The following RBMS3 variants were observed in gnomAD, a reference collection of about 807,000 sequenced individuals.
RBMS3 encodes the protein RNA binding motif single stranded interacting protein 3.
Under a neutral mutation model 66.8 loss-of-function variants are expected in RBMS3, and 27 were observed. That is an observed-to-expected ratio of 0.40 (90% confidence interval 0.30 to 0.56). The LOEUF (loss-of-function observed/expected upper bound fraction) is 0.56. Among genes scored for constraint, RBMS3 ranks in the 20% least tolerant of loss-of-function variants. RBMS3 has a pLI of 0.40. For missense variants in RBMS3, 513 were observed against 549.5 expected (o/e 0.93, Z 0.66); for synonymous variants, 188 against 183.0 (o/e 1.03, Z -0.22).
rs141794649 is a variant in RBMS3 at position 29,306,261 on chromosome 3, G to A, written c.75+24505G>A. Among the ~76,000 whole-genome samples the A allele has an allele frequency of 2.1e-3, 315 of 151,970 alleles. 2 individuals are homozygous for A. The highest frequency in any genetic ancestry group is 7.1e-3 in the African/African-American group (296 of 41,508). On this transcript the variant is annotated intron_variant, in intron 1 of 14. Transcript: ENST00000383767. Reference sequence around the variant, plus strand: ...AGGGTAAGGCACCTGGACCCAAGGTGGACTCTTGACTCAATCTAGGAATAG... The same window carrying A: ...AGGGTAAGGCACCTGGACCCAAGGTAGACTCTTGACTCAATCTAGGAATAG...
chr3:29,626,733 T>C lies in RBMS3; in HGVS notation c.399+39528T>C, dbSNP rs184491471. Among the ~76,000 whole-genome samples, 37 of 152,276 alleles carry C rather than the reference T, an allele frequency of 2.4e-4. 1 individual carries two copies. In the East Asian group the frequency reaches 7.1e-3, roughly 29 times the overall value. ...ATAAATGCCAATGTTTAATAAATAT[T>C]ACAAAGTGTAATATAGTAAATAGAA... On this transcript the variant is annotated intron_variant, in intron 4 of 14. Coordinates refer to ENST00000383767, the MANE Select transcript of RBMS3 (RefSeq NM_001003793.3).
chr3:29,786,092 T>C (rs112853134), intron 6 of RBMS3, among the ~76,000 whole-genome samples: 4 of 129,654 alleles, frequency 3.1e-5, no homozygotes, highest in African/African-American at 1.2e-4. Context: ...CCTTTCACAA[T>C]AGCTGCAAAA....
chr3:29,476,598 A>G (rs1431514928), intron 2 of RBMS3, among the ~76,000 whole-genome samples: 1 of 152,216 alleles, frequency 6.6e-6, no homozygotes, highest in Non-Finnish European at 1.5e-5. Flanking sequence ...AAAATTTAAT[A>G]CAAGGAGATT....
chr3:29,396,211 A>G (rs2039541995), intron 1 of RBMS3, among the ~76,000 whole-genome samples: 1 of 152,216 alleles, frequency 6.6e-6, no homozygotes, highest in Non-Finnish European at 1.5e-5. Context: ...AATCATGCAT[A>G]ATCTGAATTT....
chr3:29,385,610 A>C (rs1459104812), intron 1 of RBMS3, among the ~76,000 whole-genome samples: 1 of 152,060 alleles, frequency 6.6e-6, no homozygotes, highest in Non-Finnish European at 1.5e-5. Flanking sequence ...TCTTTGGACT[A>C]TGTGACTCAC....
At chr3:29,614,132 C>A (rs2048579802) in intron 4 of RBMS3, among the ~76,000 whole-genome samples, 2 of 152,040 alleles carry the variant, frequency 1.3e-5, no homozygotes, top group Admixed American at 6.6e-5. Context: ...CAGTGGAATA[C>A]TATTCAGCCT....
intron 2 of RBMS3, among the ~76,000 whole-genome samples, chr3:29,478,914 G>A (rs1437784194): frequency 6.6e-6 from 1 of 152,136 alleles, no homozygotes; most frequent in African/African-American, 2.4e-5. Flanking sequence ...TCCAAGGAAT[G>A]TTGGTAATTT....
chr3:29,738,561 T>C (rs1576659781), intron 4 of RBMS3, among the ~76,000 whole-genome samples: 1 of 152,198 alleles, frequency 6.6e-6, no homozygotes, highest in Non-Finnish European at 1.5e-5. Flanking sequence ...TATTTAAGCA[T>C]TATTGGTGCT....
chr3:29,476,797 A>C (rs2042963616), intron 2 of RBMS3, among the ~76,000 whole-genome samples: 1 of 152,198 alleles, frequency 6.6e-6, no homozygotes, highest in African/African-American at 2.4e-5. Flanking sequence ...TTTCTGCATT[A>C]TATGGCTTTG....
At chr3:29,474,889 A>G (rs1242540425) in intron 2 of RBMS3, among the ~76,000 whole-genome samples, 1 of 152,188 alleles carries the variant, frequency 6.6e-6, no homozygotes, top group Non-Finnish European at 1.5e-5. Flanking sequence ...CCATGATTGA[A>G]TTTGGTTGTA....
At chr3:29,970,664 A>T (rs1697169053) in intron 12 of RBMS3, among the ~76,000 whole-genome samples, 1 of 152,204 alleles carries the variant, frequency 6.6e-6, no homozygotes. Flanking sequence ...TACCCTTTAG[A>T]AGTCCAAAGC....
chr3:29,992,201 GAAAA>G (rs560949148), intron 14 of RBMS3, among the ~76,000 whole-genome samples: 4 of 151,840 alleles, frequency 2.6e-5, no homozygotes, highest in African/African-American at 7.3e-5. Context: ...TCTTATTAAA[GAAAA>G]AAAATATTCT....
chr3:29,755,467 A>G (rs1256167237), intron 5 of RBMS3, among the ~76,000 whole-genome samples: 3 of 152,236 alleles, frequency 2.0e-5, no homozygotes, highest in Non-Finnish European at 4.4e-5. Context: ...AGATGATTCT[A>G]CTGAAGAAAA....
At chr3:29,887,420 C>T (rs1462639707) in intron 8 of RBMS3, among the ~76,000 whole-genome samples, 1 of 151,682 alleles carries the variant, frequency 6.6e-6, no homozygotes, top group African/African-American at 2.4e-5. Context: ...ATAGTGAGTT[C>T]TCACAAGATC....
chr3:29,501,031 A>T (rs1398809254), intron 3 of RBMS3, among the ~76,000 whole-genome samples: 1 of 152,226 alleles, frequency 6.6e-6, no homozygotes, highest in African/African-American at 2.4e-5. Flanking sequence ...TATGTTACAT[A>T]AACCGAAAAG....
intron 6 of RBMS3, among the ~76,000 whole-genome samples, chr3:29,826,272 A>C (rs1215746398): frequency 1.3e-5 from 2 of 152,202 alleles, no homozygotes; most frequent in Non-Finnish European, 2.9e-5. Flanking sequence ...ATTGTTCACT[A>C]TAAAATCTCA....
At chr3:29,672,989 A>G (rs897590670) in intron 4 of RBMS3, among the ~76,000 whole-genome samples, 2 of 152,308 alleles carry the variant, frequency 1.3e-5, no homozygotes, top group East Asian at 1.9e-4. Flanking sequence ...TCTTCTCAGC[A>G]CCACATCGCA....
chr3:29,623,598 A>C (rs1278307711), intron 4 of RBMS3, among the ~76,000 whole-genome samples: 4 of 152,110 alleles, frequency 2.6e-5, no homozygotes, highest in Non-Finnish European at 5.9e-5. Flanking sequence ...TCTCAAAAAA[A>C]AAAAAAAAAA....
intron 3 of RBMS3, among the ~76,000 whole-genome samples, chr3:29,531,233 G>A (rs967669650): frequency 2.0e-5 from 3 of 152,228 alleles, no homozygotes; most frequent in African/African-American, 7.2e-5. Flanking sequence ...GGGCTTGCCA[G>A]ACAGGCAGAC....
Sources: gnomAD v4.1 joint callset for allele counts (sites outside exome capture counted in the v4.1 genomes callset) on GRCh38, gnomAD v4.1.1 for gene constraint, MANE v1.5 for transcripts, NCBI Gene and HGNC (gene_info 2026-07-23, HGNC 2026-07-21) for gene names.